KIAA1328: variants seen among roughly 807,000 people sequenced by gnomAD.
KIAA1328 encodes protein hinderin.
Under a neutral mutation model 68.1 loss-of-function variants are expected in KIAA1328, and 52 were observed. The ratio of observed to expected loss-of-function variants is 0.76; its 90% CI spans 0.61 to 0.96. The LOEUF (loss-of-function observed/expected upper bound fraction) is 0.96. KIAA1328 is among the 40% of genes least tolerant of loss of function. The pLI is 0.00. For missense variants in KIAA1328, 641 were observed against 677.6 expected, an observed-to-expected ratio of 0.95 and a Z score of 0.60; for synonymous variants, 232 against 239.4, an observed-to-expected ratio of 0.97 and a Z score of 0.28.
At chr18:36,843,666 CGTT>C (rs2046933122) in intron 3 of KIAA1328, among the ~76,000 whole-genome samples, 1 of 152,056 alleles carries the variant, frequency 6.6e-6, no homozygotes, top group African/African-American at 2.4e-5. Context: ...TACTTAATAG[CGTT>C]GTTGTGCAAA....
At chr18:37,150,125 A>G (rs532113082) in intron 7 of KIAA1328, among the ~76,000 whole-genome samples, 7 of 152,310 alleles carry the variant, frequency 4.6e-5, no homozygotes, top group Admixed American at 3.3e-4. Context: ...GAACTTTCCC[A>G]TAAGTAAAAC....
intron 8 of KIAA1328, among the ~76,000 whole-genome samples, chr18:37,165,261 G>C (rs917203368): frequency 6.6e-6 from 1 of 152,030 alleles, no homozygotes; most frequent in Non-Finnish European, 1.5e-5. Flanking sequence ...TCTAATTTTT[G>C]TGCCTTAGAC....
At chr18:37,009,951 T>C (rs1442936028) in intron 6 of KIAA1328, among the ~76,000 whole-genome samples, 2 of 152,104 alleles carry the variant, frequency 1.3e-5, no homozygotes, top group African/African-American at 4.8e-5. Context: ...AAAATGTTAG[T>C]CATAAAAATT....
chr18:37,185,073 G>A (rs2059769611), intron 9 of KIAA1328, among the ~76,000 whole-genome samples: 1 of 152,070 alleles, frequency 6.6e-6, no homozygotes, highest in African/African-American at 2.4e-5. Context: ...GGCTGAGGCA[G>A]GAGAATGGCG....
chr18:37,128,157 GATTTTTTGT>G (rs2151948957), intron 7 of KIAA1328, among the ~76,000 whole-genome samples: 1 of 152,264 alleles, frequency 6.6e-6, no homozygotes, highest in Non-Finnish European at 1.5e-5. Context: ...GCTATGCAAA[GATTTTTTGT>G]AACACAAAAA....
chr18:36,925,874 T>C (rs957185056), intron 5 of KIAA1328, among the ~76,000 whole-genome samples: 13 of 152,124 alleles, frequency 8.5e-5, no homozygotes, highest in Non-Finnish European at 1.3e-4. Flanking sequence ...AATGTCTTCT[T>C]TGGAGCCCTT....
chr18:37,105,501 G>GAAAAA (rs376818867), intron 7 of KIAA1328, among the ~76,000 whole-genome samples: 1 of 100,342 alleles, frequency 1.0e-5, no homozygotes, highest in Non-Finnish European at 2.1e-5. Context: ...CTTTTTGAAG[G>GAAAAA]AAAAAAAAAA....
chr18:36,874,048 T>C (rs1298803301), intron 4 of KIAA1328, among the ~76,000 whole-genome samples: 1 of 152,220 alleles, frequency 6.6e-6, no homozygotes, highest in Non-Finnish European at 1.5e-5. Context: ...TAGTATTCCA[T>C]TGTGTATATG....
chr18:37,226,632 G>C (rs991560026), downstream of KIAA1328, among the ~76,000 whole-genome samples: 8 of 150,984 alleles, frequency 5.3e-5, no homozygotes, highest in African/African-American at 1.9e-4. Context: ...GGTTCCTTTT[G>C]ATTGCCAAAT....
At chr18:37,206,137 C>T (rs2060211319) in intron 9 of KIAA1328, among the ~76,000 whole-genome samples, 1 of 151,924 alleles carries the variant, frequency 6.6e-6, no homozygotes, top group African/African-American at 2.4e-5. Flanking sequence ...TTGTAAAATT[C>T]CAAAACAAAT....
intron 5 of KIAA1328, among the ~76,000 whole-genome samples, chr18:36,932,585 A>C (rs1454037615): frequency 6.6e-6 from 1 of 152,224 alleles, no homozygotes; most frequent in Non-Finnish European, 1.5e-5. Flanking sequence ...AAGAGAAATG[A>C]AATTGAACAG....
At chr18:37,179,008 T>C (rs1473032423) in intron 9 of KIAA1328, among the ~76,000 whole-genome samples, 6 of 152,210 alleles carry the variant, frequency 3.9e-5, no homozygotes, top group Non-Finnish European at 8.8e-5. Flanking sequence ...GCAAGTGTTT[T>C]CTCCCATTCT....
chr18:37,087,378 G>A (rs2057136499), intron 7 of KIAA1328, among the ~76,000 whole-genome samples: 1 of 152,106 alleles, frequency 6.6e-6, no homozygotes, highest in Non-Finnish European at 1.5e-5. Context: ...CTTAATTTCT[G>A]AAAACATCTT....
intron 6 of KIAA1328, among the ~76,000 whole-genome samples, chr18:37,063,909 T>C (rs1195286482): frequency 6.6e-6 from 1 of 152,086 alleles, no homozygotes; most frequent in Non-Finnish European, 1.5e-5. Context: ...TTCTGGATCT[T>C]TTAAAAACTT....
intron 6 of KIAA1328, among the ~76,000 whole-genome samples, chr18:37,055,467 ATCT>A (rs550037527): frequency 4.6e-5 from 7 of 152,228 alleles, no homozygotes; most frequent in Non-Finnish European, 8.8e-5. Flanking sequence ...TACCTTGATG[ATCT>A]TCTAGCAAAA....
chr18:37,192,818 A>G (rs2059931379), intron 9 of KIAA1328, among the ~76,000 whole-genome samples: 2 of 152,224 alleles, frequency 1.3e-5, no homozygotes, highest in Non-Finnish European at 2.9e-5. Context: ...CTACAAAATG[A>G]TTAAGATATC....
intron 6 of KIAA1328, among the ~76,000 whole-genome samples, chr18:37,007,057 T>TA (rs2053810433): frequency 6.6e-6 from 1 of 152,194 alleles, no homozygotes; most frequent in East Asian, 1.9e-4. Context: ...TAAGACTTTT[T>TA]AAAAACAGCA....
intron 9 of KIAA1328, among the ~76,000 whole-genome samples, chr18:37,190,445 A>G (rs2059884613): frequency 1.3e-5 from 2 of 152,224 alleles, no homozygotes; most frequent in South Asian, 4.1e-4. Flanking sequence ...TTGTAGAGGA[A>G]GAAATGGTTA....
At chr18:37,203,289 T>G (rs556573941) in intron 9 of KIAA1328, among the ~76,000 whole-genome samples, 2 of 152,190 alleles carry the variant, frequency 1.3e-5, no homozygotes, top group South Asian at 2.1e-4. Context: ...TTTTTCCATT[T>G]CATAAACATT....
Sources: gnomAD v4.1 joint callset for allele counts (sites outside exome capture counted in the v4.1 genomes callset) on GRCh38, gnomAD v4.1.1 for gene constraint, MANE v1.5 for transcripts, NCBI Gene and HGNC (gene_info 2026-07-23, HGNC 2026-07-21) for gene names.